The following LRMDA variants were observed in gnomAD, a reference collection of about 807,000 sequenced individuals.
The protein encoded by LRMDA is leucine rich melanocyte differentiation associated.
In LRMDA, 18 loss-of-function variants were observed where a neutral mutation model predicts 29.8. The observed-to-expected ratio is 0.60, with a 90% CI of 0.42 to 0.90. LRMDA has a LOEUF of 0.90. LRMDA is among the 40% of genes least tolerant of loss of function. The probability of loss-of-function intolerance (pLI) is 0.00; values close to 1 mark genes in which losing one functional copy is unlikely to be tolerated. For missense variants in LRMDA, 273 were observed against 273.9 expected (o/e 1.00, Z 0.02); for synonymous variants, 125 against 109.4 (o/e 1.14, Z -0.89).
At chr10:76,078,400 C>T (rs965729779) in intron 5 of LRMDA, among the ~76,000 whole-genome samples, 1 of 152,038 alleles carries the variant, frequency 6.6e-6, no homozygotes, top group Non-Finnish European at 1.5e-5. Flanking sequence ...CAGAAATTCC[C>T]AGCTTTTGAG....
At chr10:76,235,550 A>G (rs1589387590) in intron 5 of LRMDA, among the ~76,000 whole-genome samples, 1 of 152,062 alleles carries the variant, frequency 6.6e-6, no homozygotes, top group African/African-American at 2.4e-5. Flanking sequence ...GGAAAGATGA[A>G]TGGGCCCTCA....
chr10:75,779,858 C>T (rs1843358567), intron 2 of LRMDA, among the ~76,000 whole-genome samples: 1 of 152,166 alleles, frequency 6.6e-6, no homozygotes, highest in South Asian at 2.1e-4. Flanking sequence ...CTACCTGGAA[C>T]CTAAGAGTGT....
intron 2 of LRMDA, among the ~76,000 whole-genome samples, chr10:75,970,585 C>T (rs1286870525): frequency 1.3e-5 from 2 of 152,178 alleles, no homozygotes; most frequent in African/African-American, 2.4e-5. Context: ...TTTTATGAGG[C>T]CAGCTTATGG....
At chr10:76,100,060 T>A (rs1390479399) in intron 5 of LRMDA, among the ~76,000 whole-genome samples, 1 of 152,218 alleles carries the variant, frequency 6.6e-6, no homozygotes, top group Non-Finnish European at 1.5e-5. Context: ...TTTCCCTTTT[T>A]TCTTTCAGTT....
chr10:75,733,354 T>A (rs1842722316), intron 2 of LRMDA, among the ~76,000 whole-genome samples: 1 of 152,228 alleles, frequency 6.6e-6, no homozygotes, highest in Non-Finnish European at 1.5e-5. Context: ...TGGGTAATTT[T>A]CTGTGGTTTG....
At chr10:76,142,713 T>C (rs1009456621) in intron 5 of LRMDA, among the ~76,000 whole-genome samples, 1 of 148,776 alleles carries the variant, frequency 6.7e-6, no homozygotes, top group East Asian at 1.9e-4. Context: ...TATTATACTT[T>C]AAGTTTTAGG....
At chr10:75,981,178 A>G (rs569439479) in intron 2 of LRMDA, among the ~76,000 whole-genome samples, 4 of 152,232 alleles carry the variant, frequency 2.6e-5, no homozygotes, top group Non-Finnish European at 5.9e-5. Context: ...TTTGAACAAA[A>G]TAGTTTCTTT....
At chr10:76,183,177 C>T (rs1851085177) in intron 5 of LRMDA, among the ~76,000 whole-genome samples, 1 of 152,198 alleles carries the variant, frequency 6.6e-6, no homozygotes, top group Admixed American at 6.5e-5. Flanking sequence ...GTGTGCCTCA[C>T]ACTTACATCA....
intron 6 of LRMDA, 27 bp from the exon 7 acceptor site, chr10:76,557,182 T>A (rs768344124): frequency 6.3e-7 from 1 of 1,589,622 alleles, no homozygotes; most frequent in Non-Finnish European, 8.6e-7. Context: ...GTGCCACCTG[T>A]AATGATGTGT....
At position 76,343,801 on chromosome 10, in the gene LRMDA, T is replaced by C. The variant is rs150570712; in HGVS notation, c.601+19316T>C. 2.8e-3 allele frequency among the ~76,000 whole-genome samples: 417 copies of C among 150,442 alleles called. 1 individual carries two copies. The highest frequency in any genetic ancestry group is 9.7e-3 in the African/African-American group (394 of 40,770). ...TGGAAAGCCTATTATAAAAGTTTCA[T>C]GTTTACAGGTGATTTTTTTTTTTTT... On this transcript the variant is annotated intron_variant, in intron 6 of 6. Coordinates refer to ENST00000611255, the MANE Select transcript of LRMDA (RefSeq NM_001305581.2).
At chr10:76,082,336 G>C (rs1355350599) in intron 5 of LRMDA, among the ~76,000 whole-genome samples, 2 of 151,980 alleles carry the variant, frequency 1.3e-5, no homozygotes. Flanking sequence ...CTGTCACTTT[G>C]GGGTGAGCTG....
At chr10:75,865,639 A>G (rs148325438) in intron 2 of LRMDA, among the ~76,000 whole-genome samples, 20 of 152,198 alleles carry the variant, frequency 1.3e-4, no homozygotes, top group Non-Finnish European at 1.9e-4. Flanking sequence ...CTGTTGTCCA[A>G]TGATATTCAA....
intron 2 of LRMDA, among the ~76,000 whole-genome samples, chr10:75,695,109 T>C (rs1842218057): frequency 6.6e-6 from 1 of 152,162 alleles, no homozygotes; most frequent in Non-Finnish European, 1.5e-5. Flanking sequence ...CATTTTTCTG[T>C]CAAACAGCAG....
intron 5 of LRMDA, among the ~76,000 whole-genome samples, chr10:76,081,518 A>G (rs1849049483): frequency 6.6e-6 from 1 of 152,204 alleles, no homozygotes; most frequent in African/African-American, 2.4e-5. Flanking sequence ...AATCAGATAT[A>G]GCCACAGATT....
At chr10:75,903,583 A>G (rs1845712745) in intron 2 of LRMDA, among the ~76,000 whole-genome samples, 1 of 152,244 alleles carries the variant, frequency 6.6e-6, no homozygotes, top group African/African-American at 2.4e-5. Context: ...TAATAACAAC[A>G]ACAATAATAA....
chr10:76,328,790 A>G (rs1840868604), intron 6 of LRMDA, among the ~76,000 whole-genome samples: 1 of 152,196 alleles, frequency 6.6e-6, no homozygotes. Flanking sequence ...GAACAATAAA[A>G]TCAGGAGTGG....
At chr10:75,515,523 C>A (rs915116151) in intron 2 of LRMDA, among the ~76,000 whole-genome samples, 1 of 152,050 alleles carries the variant, frequency 6.6e-6, no homozygotes, top group Non-Finnish European at 1.5e-5. Flanking sequence ...CAGGCACATA[C>A]CACTATGCCT....
intron 2 of LRMDA, among the ~76,000 whole-genome samples, chr10:75,646,081 C>T (rs1564529930): frequency 6.6e-6 from 1 of 150,836 alleles, no homozygotes; most frequent in African/African-American, 2.4e-5. Flanking sequence ...TGGGTCTTCT[C>T]TCCCTCCCCC....
intron 6 of LRMDA, among the ~76,000 whole-genome samples, chr10:76,444,109 C>T (rs1218710241): frequency 6.6e-6 from 1 of 152,148 alleles, no homozygotes; most frequent in Non-Finnish European, 1.5e-5. Context: ...TCAGCTATTC[C>T]CTGGGTGGGG....
Sources: allele counts gnomAD v4.1 joint callset (sites outside exome capture counted in the v4.1 genomes callset), GRCh38; gene constraint gnomAD v4.1.1; transcripts MANE v1.5; gene names NCBI Gene and HGNC (gene_info 2026-07-23, HGNC 2026-07-21).